Variants in RTCB observed in about 807,000 individuals in gnomAD.
RTCB encodes RNA 2',3'-cyclic phosphate and 5'-OH ligase, also known as RNA-splicing ligase RTCB.
In RTCB, 32 loss-of-function variants were observed where a neutral mutation model predicts 58.2. That is an observed-to-expected ratio of 0.55 (90% CI 0.41 to 0.74). The LOEUF (loss-of-function observed/expected upper bound fraction) is 0.74, where lower values mean the gene tolerates loss of function less well. RTCB is among the 30% of genes least tolerant of loss of function. The pLI is 0.00. For missense variants in RTCB, 523 were observed against 639.0 expected, an observed-to-expected ratio of 0.82 and a Z score of 1.96; for synonymous variants, 247 against 218.6, an observed-to-expected ratio of 1.13 and a Z score of -1.15.
chr22:32,396,360 A>G (rs770042955), intron 7 of RTCB, 111 bp from the exon 8 acceptor site: 1 of 1,072,536 alleles, frequency 9.3e-7, no homozygotes, highest in Non-Finnish European at 1.3e-6. Context: ...AAAAAACCCA[A>G]TGAAAGCCAA....
rs1477110252 is a variant in RTCB at position 32,398,060 on chromosome 22, T to C, written c.695A>G (p.Gln232Arg). The change falls in exon 7 of 12, where the codon CAG (glutamine) becomes CGG (arginine). Residue 232 changes from glutamine (Q) to arginine (R), a missense_variant. By Grantham distance (43) the Gln-to-Arg change is conservative. Around this residue, in one of 3 missense-constraint regions of RTCB, gnomAD observed 141 missense variants for 216.7 expected, o/e 0.65. Transcript: ENST00000216038. ...LGAGNHYAEI[Q>R]VVDEIFNEYA... ...CTCATTGAAAATCTCATCCACAACCTGGATTTCTGCATAATGGTTGCCTGC... is the reference window on the plus strand; with the variant it reads ...CTCATTGAAAATCTCATCCACAACCCGGATTTCTGCATAATGGTTGCCTGC... 1.9e-6 allele frequency: 3 copies of C among 1,614,136 alleles called. No homozygotes were observed. Among genetic ancestry groups the C allele is most frequent in the Non-Finnish European group, 1.7e-6 (2 of 1,179,998 alleles).
Position 32,398,059 on chromosome 22 carries a change from C to G in RTCB, c.696G>C (p.Gln232His), listed in dbSNP as rs763005547. 1 of 1,614,006 alleles carries G rather than the reference C, an allele frequency of 6.2e-7. No individual in the cohort carries two copies. Among genetic ancestry groups the G allele is most frequent in the Non-Finnish European group, 8.5e-7 (1 of 1,180,018 alleles). The change falls in exon 7 of 12, where the codon CAG becomes CAC. Residue 232 changes from glutamine (Q) to histidine (H), a missense_variant. Coordinates refer to ENST00000216038, the MANE Select transcript of RTCB (RefSeq NM_014306.5). ...LGAGNHYAEI[Q>H]VVDEIFNEYA... is the part of the protein sequence containing the mutation. ...ACTCATTGAAAATCTCATCCACAAC[C>G]TGGATTTCTGCATAATGGTTGCCTG...
intron 3 of RTCB, 85 bp from the exon 4 acceptor site, chr22:32,406,846 A>G (rs1391500074): frequency 2.2e-6 from 2 of 898,144 alleles, no homozygotes; most frequent in Non-Finnish European, 3.6e-6. Context: ...ATTCTCAAAC[A>G]GGTTGCAGGC....
intron 1 of RTCB, 77 bp from the exon 2 acceptor site, chr22:32,408,910 T>C (rs1933474125): frequency 2.0e-6 from 2 of 991,118 alleles, no homozygotes; most frequent in Non-Finnish European, 3.2e-6. Flanking sequence ...ATGCACTGTA[T>C]GCAATATTTA....
chr22:32,390,801 A>C (rs1337484377), intron 11 of RTCB, among the ~76,000 whole-genome samples: 1 of 152,152 alleles, frequency 6.6e-6, no homozygotes, highest in African/African-American at 2.4e-5. Flanking sequence ...CAGGGGAAAA[A>C]TGAATTGTTA....
intron 4 of RTCB, among the ~76,000 whole-genome samples, chr22:32,404,478 C>T (rs761579693): frequency 6.6e-6 from 1 of 152,146 alleles, no homozygotes; most frequent in Non-Finnish European, 1.5e-5. Flanking sequence ...GTGATCATAG[C>T]TCACTGTAGC....
chr22:32,410,201 C>A (rs1933496666), intron 1 of RTCB, among the ~76,000 whole-genome samples: 1 of 152,152 alleles, frequency 6.6e-6, no homozygotes, highest in Non-Finnish European at 1.5e-5. Context: ...ATGGAAGAAT[C>A]TGATGAGGAA....
At chr22:32,389,402 T>G (rs1933114570) in intron 11 of RTCB, among the ~76,000 whole-genome samples, 1 of 152,224 alleles carries the variant, frequency 6.6e-6, no homozygotes, top group African/African-American at 2.4e-5. Flanking sequence ...TTTATTTTTT[T>G]ACTCTGTCAC....
Position 32,412,063 on chromosome 22 carries a change from C to A in RTCB, c.93+1G>T. ...CCCCGCCATTTGCTCTCCTGCCTTA[C>A]CTGCATGTTGGGCACGAAGCCCTTC... On this transcript the variant is annotated splice_donor_variant, in intron 1 of 11. Transcript: ENST00000216038. LOFTEE classifies it high-confidence loss of function. The A allele has an allele frequency of 6.2e-7, 1 of 1,604,272 alleles. No homozygotes were observed. Among genetic ancestry groups the A allele is most frequent in the Non-Finnish European group, 8.5e-7 (1 of 1,177,608 alleles).
intron 11 of RTCB, among the ~76,000 whole-genome samples, chr22:32,390,549 C>T (rs932243817): frequency 2.0e-5 from 3 of 151,914 alleles, no homozygotes; most frequent in South Asian, 2.1e-4. Context: ...CCCGCGTTCA[C>T]GCCGTTCTCC....
intron 11 of RTCB, among the ~76,000 whole-genome samples, chr22:32,391,643 G>A (rs189400864): frequency 1.3e-5 from 2 of 151,882 alleles, no homozygotes; most frequent in Non-Finnish European, 2.9e-5. Flanking sequence ...TGCCCACCTC[G>A]GCCTCCCAAA....
intron 7 of RTCB, among the ~76,000 whole-genome samples, chr22:32,397,114 A>AGCTCAAGGCCCTT (rs201735170): frequency 0.035 from 5,255 of 152,290 alleles, 288 homozygotes; most frequent in African/African-American, 0.12. Flanking sequence ...GGGCTGTGGA[A>AGCTCAAGGCCCTT]GCTCACTAGA....
intron 1 of RTCB, among the ~76,000 whole-genome samples, chr22:32,410,344 A>G (rs5749430): frequency 0.75 from 113,928 of 152,018 alleles, 43,111 homozygotes; most frequent in African/African-American, 0.87. Context: ...AAAGATGGGA[A>G]GGGAGTGTTT....
chr22:32,400,383 C>T (rs747985838), intron 5 of RTCB, among the ~76,000 whole-genome samples: 7 of 152,216 alleles, frequency 4.6e-5, no homozygotes, highest in African/African-American at 7.2e-5. Context: ...CAGCTCTCTT[C>T]TAAAACACTG....
rs1407843587 is a variant in RTCB at position 32,392,233 on chromosome 22, C to T, written c.1410+7G>A. 1 of 1,606,188 alleles carries T rather than the reference C, an allele frequency of 6.2e-7. No individual in the cohort carries two copies. Among genetic ancestry groups the T allele is most frequent in the Non-Finnish European group, 8.5e-7 (1 of 1,176,450 alleles). On this transcript the variant is annotated splice_region_variant and intron_variant, in intron 11 of 11. Transcript: ENST00000216038. ...AATATTCATGTATTTATCAAAATTTCACTTACCTCTTCCATAACCAGTTTG... is the reference window on the plus strand; with the variant it reads ...AATATTCATGTATTTATCAAAATTTTACTTACCTCTTCCATAACCAGTTTG...
intron 4 of RTCB, among the ~76,000 whole-genome samples, chr22:32,406,052 C>T (rs145543892): frequency 7.4e-4 from 112 of 152,122 alleles, no homozygotes; most frequent in African/African-American, 2.6e-3. Context: ...CATTATTAGA[C>T]GTGATCTGTC....
In RTCB at chr22:32,395,013, T is replaced by G. The variant is rs748372409; in HGVS notation, c.1179+13A>C. The G allele has an allele frequency of 2.3e-5, 37 of 1,599,782 alleles. No homozygotes were observed. The highest frequency in any genetic ancestry group is 3.0e-5 in the Non-Finnish European group (35 of 1,169,640). On this transcript the variant is annotated intron_variant, in intron 9 of 11. Coordinates refer to ENST00000216038, the MANE Select transcript of RTCB (RefSeq NM_014306.5). Reference sequence around the variant, plus strand: ...CCCCCACTGCTTAAAACTACAAACGTAGAGCTACGTACTTGGTAATCAACA... The same window carrying G: ...CCCCCACTGCTTAAAACTACAAACGGAGAGCTACGTACTTGGTAATCAACA...
At chr22:32,394,105 C>T (rs957038965) in intron 9 of RTCB, 103 bp from the exon 10 acceptor site, 13 of 726,480 alleles carry the variant, frequency 1.8e-5, no homozygotes, top group Admixed American at 5.5e-5. Context: ...GTAGGAGAAA[C>T]CCAGACTTCT....
Position 32,387,955 on chromosome 22 carries a change from G to T in RTCB, c.*37C>A, listed in dbSNP as rs780209817. 37 of 1,305,558 alleles carry T rather than the reference G, an allele frequency of 2.8e-5. No individual in the cohort carries two copies. Among genetic ancestry groups the T allele is most frequent in the Non-Finnish European group, 3.9e-5 (35 of 899,870 alleles). 80.9% of individuals were successfully genotyped at this position (1,305,558 alleles called of 1,614,324 possible). Reference sequence around the variant, plus strand: ...TGTCAGTCCACTTCCACTTCAGAGAGGGTTGGTGGTGTCAGGCAGCCCTGC... The same window carrying T: ...TGTCAGTCCACTTCCACTTCAGAGATGGTTGGTGGTGTCAGGCAGCCCTGC... On this transcript the variant is annotated 3_prime_UTR_variant, in exon 12 of 12. Transcript: ENST00000216038.
Sources: allele counts gnomAD v4.1 joint callset (sites outside exome capture counted in the v4.1 genomes callset), GRCh38; gene constraint gnomAD v4.1.1; regional missense constraint gnomAD v4.1.1; transcripts MANE v1.5; gene names NCBI Gene and HGNC (gene_info 2026-07-23, HGNC 2026-07-21).